The following SEC63 variants were observed in gnomAD, a reference collection of about 807,000 sequenced individuals.
The protein encoded by SEC63 is SEC63 protein translocation regulator.
A neutral mutation model predicts 116.2 loss-of-function variants in SEC63; 56 were observed. The observed-to-expected ratio is 0.48, with a 90% confidence interval of 0.39 to 0.60. SEC63 has a LOEUF of 0.60. Ranked by LOEUF, SEC63 falls within the 20% of genes least tolerant of loss-of-function variation. The pLI is 0.00. For missense variants in SEC63, 668 were observed against 900.0 expected (o/e 0.74, Z 3.30); for synonymous variants, 273 against 294.6 (o/e 0.93, Z 0.75).
intron 1 of SEC63, among the ~76,000 whole-genome samples, chr6:107,941,312 G>A (rs1770370213): frequency 6.6e-6 from 1 of 151,950 alleles, no homozygotes; most frequent in Admixed American, 6.6e-5. Flanking sequence ...AATTAGCCGG[G>A]TGTGGTGGCA....
intron 16 of SEC63, among the ~76,000 whole-genome samples, chr6:107,889,675 G>C (rs1235956077): frequency 6.6e-6 from 1 of 151,602 alleles, no homozygotes; most frequent in Admixed American, 6.6e-5. Flanking sequence ...GTGATGTTAG[G>C]GTGTCGATTT....
chr6:107,953,853 G>GC (rs573619477), intron 1 of SEC63, among the ~76,000 whole-genome samples: 32 of 142,406 alleles, frequency 2.2e-4, no homozygotes, highest in African/African-American at 7.5e-4. Context: ...GGGGGGGTCA[G>GC]CCCCCCGCCC....
chr6:107,950,103 C>T (rs1695636582), intron 1 of SEC63, among the ~76,000 whole-genome samples: 1 of 151,976 alleles, frequency 6.6e-6, no homozygotes, highest in Admixed American at 6.6e-5. Flanking sequence ...AAAAAATATT[C>T]CATGGAAACA....
At chr6:107,921,974 A>C in intron 3 of SEC63, 65 bp from the exon 4 acceptor site, 1 of 931,982 alleles carries the variant, frequency 1.1e-6, no homozygotes. Context: ...TTCTGTAAAG[A>C]AATAATCAAT....
intron 11 of SEC63, among the ~76,000 whole-genome samples, chr6:107,903,349 C>T (rs1269852793): frequency 6.6e-6 from 1 of 152,038 alleles, no homozygotes; most frequent in Non-Finnish European, 1.5e-5. Flanking sequence ...AAGGGCATTC[C>T]TTTCCATTAC....
intron 1 of SEC63, among the ~76,000 whole-genome samples, chr6:107,933,309 T>C (rs1787853020): frequency 6.6e-6 from 1 of 152,172 alleles, no homozygotes; most frequent in Non-Finnish European, 1.5e-5. Context: ...TCCAGAATTA[T>C]TAAGAGAACA....
intron 1 of SEC63, among the ~76,000 whole-genome samples, chr6:107,934,261 C>A (rs1274950330): frequency 1.3e-5 from 2 of 151,720 alleles, no homozygotes; most frequent in Non-Finnish European, 2.9e-5. Flanking sequence ...GCCGCCATCC[C>A]GTCTAGGAAG....
intron 13 of SEC63, among the ~76,000 whole-genome samples, 161 bp from the exon 14 acceptor site, chr6:107,897,892 T>C (rs376926898): frequency 6.6e-6 from 1 of 152,380 alleles, no homozygotes; most frequent in East Asian, 1.9e-4. Flanking sequence ...CTACTCTGTA[T>C]AAGGCTCTCC....
Position 107,917,455 on chromosome 6 carries a change from T to G in SEC63, c.453-4028A>C, listed in dbSNP as rs570134687. The stretch of plus-strand genomic sequence containing the variant: ...CTGGTCTCGGCGGGCCTCTAAATGT[T>G]TAAACGAAAAAAGACTCACACGTCT... On this transcript the variant is annotated intron_variant, in intron 4 of 20. Coordinates refer to ENST00000369002, the MANE Select transcript of SEC63 (RefSeq NM_007214.5). Among the ~76,000 whole-genome samples, 3 of 152,110 alleles carry G rather than the reference T, an allele frequency of 2.0e-5. No homozygotes were observed. The East Asian group carries it at 5.8e-4, about 29-fold the overall frequency.
chr6:107,899,553 TA>T (rs1447875222), intron 13 of SEC63, among the ~76,000 whole-genome samples: 2 of 151,948 alleles, frequency 1.3e-5, no homozygotes, highest in African/African-American at 4.8e-5. Flanking sequence ...CCGTCTCTAC[TA>T]AAAATACAAA....
chr6:107,943,160 C>T (rs1770412716), intron 1 of SEC63, among the ~76,000 whole-genome samples: 1 of 152,234 alleles, frequency 6.6e-6, no homozygotes, highest in Admixed American at 6.5e-5. Flanking sequence ...CAGACACTTG[C>T]AACACCTGAG....
At chr6:107,872,048 G>T (rs1786147733) in intron 20 of SEC63, among the ~76,000 whole-genome samples, 2 of 152,196 alleles carry the variant, frequency 1.3e-5, no homozygotes, top group South Asian at 4.1e-4. Flanking sequence ...ATATGTAAAT[G>T]TAGTTAAATT....
intron 13 of SEC63, among the ~76,000 whole-genome samples, chr6:107,898,940 C>G (rs567689229): frequency 4.4e-4 from 67 of 152,322 alleles, no homozygotes; most frequent in African/African-American, 1.6e-3. Context: ...CTACAAGGTG[C>G]AGCAGCTGGG....
At position 107,911,527 on chromosome 6, in the gene SEC63, C is replaced by T. The variant is rs1787283718; in HGVS notation, c.574-131G>A. 7.1e-6 allele frequency: 5 copies of T among 705,270 alleles called. No individual in the cohort carries two copies. In the East Asian group the frequency reaches 1.3e-4, roughly 19 times the overall value. 43.7% of individuals were successfully genotyped at this position (705,270 alleles called of 1,614,324 possible). A position where few individuals can be genotyped will look rare whatever the true frequency, so the allele number is the denominator to read the frequency against. ...TCCTCATGTATTATCTTGTTTAATC[C>T]TTATTCTCAAACTCCAAGAGGAAGG... is the stretch of plus-strand genomic sequence containing the variant. On this transcript the variant is annotated intron_variant, in intron 6 of 20. Transcript: ENST00000369002.
chr6:107,913,276 G>C, intron 5 of SEC63, 90 bp downstream of exon 5: 1 of 897,330 alleles, frequency 1.1e-6, no homozygotes, highest in Non-Finnish European at 1.8e-6. Context: ...TATAAGTTTA[G>C]TAAGAAAATA....
At chr6:107,924,065 C>A (rs1036365908) in intron 3 of SEC63, among the ~76,000 whole-genome samples, 1 of 151,272 alleles carries the variant, frequency 6.6e-6, no homozygotes, top group Non-Finnish European at 1.5e-5. Context: ...GAGATTGAGA[C>A]CATCCTGGCT....
At chr6:107,889,124 T>A (rs1441447425) in intron 16 of SEC63, among the ~76,000 whole-genome samples, 1 of 152,220 alleles carries the variant, frequency 6.6e-6, no homozygotes, top group Non-Finnish European at 1.5e-5. Context: ...TAGGGAGGAT[T>A]CCCTCTTTTT....
chr6:107,925,477 A>C (rs2818195), intron 2 of SEC63, among the ~76,000 whole-genome samples: 3,684 of 152,336 alleles, frequency 0.024, 124 homozygotes, highest in African/African-American at 0.083. Context: ...ACACAATGCA[A>C]CATTTTGTAG....
At chr6:107,916,592 T>C (rs1787405288) in intron 4 of SEC63, among the ~76,000 whole-genome samples, 1 of 152,246 alleles carries the variant, frequency 6.6e-6, no homozygotes, top group African/African-American at 2.4e-5. Context: ...GCCATTTGTG[T>C]TAACCCTGCA....
Sources: gnomAD v4.1 joint callset for allele counts (sites outside exome capture counted in the v4.1 genomes callset) on GRCh38, gnomAD v4.1.1 for gene constraint, MANE v1.5 for transcripts, NCBI Gene and HGNC (gene_info 2026-07-23, HGNC 2026-07-21) for gene names.